Variants in DMD observed in about 807,000 individuals in gnomAD.
DMD encodes the protein dystrophin, also known as mutant dystrophin.
Under a neutral mutation model 330.1 loss-of-function variants are expected in DMD, and 63 were observed. The ratio of observed to expected loss-of-function variants is 0.19; its 90% CI spans 0.16 to 0.24. The LOEUF (loss-of-function observed/expected upper bound fraction) is 0.24. Among genes scored for constraint, DMD ranks in the 10% least tolerant of loss-of-function variants. The pLI is 1.00. For synonymous variants in DMD, 1,223 were observed against 959.8 expected, an observed-to-expected ratio of 1.27 and a Z score of -5.07; for missense variants, 3,344 against 2,684.1, an observed-to-expected ratio of 1.25 and a Z score of -5.43.
chrX:31,187,357 T>A (rs1343489119), intron 67 of DMD, among the ~76,000 whole-genome samples: 1 of 112,311 alleles, frequency 8.9e-6, no homozygotes, highest in Admixed American at 9.4e-5. Flanking sequence ...TCTTTTTACT[T>A]CTTCTTCATA....
chrX:31,881,932 T>C (rs1278237610), intron 47 of DMD, among the ~76,000 whole-genome samples: 3 of 112,373 alleles, frequency 2.7e-5, no homozygotes, highest in Non-Finnish European at 5.6e-5. Flanking sequence ...CCCTGGAAAC[T>C]ACAAACACTA....
At chrX:33,242,658 A>T (rs1437372365) in intron 1 of DMD, among the ~76,000 whole-genome samples, 1 of 111,962 alleles carries the variant, frequency 8.9e-6, no homozygotes, top group African/African-American at 3.3e-5. Context: ...TAGTTATTTA[A>T]GGAATCTCCA....
rs777578280 is a variant in DMD, at chrX:32,970,080, G to C, written c.93+50059C>G. Reference sequence around the variant, plus strand: ...GGTCCTCAACTCTTGCCTCCAAAATGCATTCATTCTTGAATAACTTTGATC... The same window carrying C: ...GGTCCTCAACTCTTGCCTCCAAAATCCATTCATTCTTGAATAACTTTGATC... On this transcript the variant is annotated intron_variant, in intron 2 of 78. Coordinates refer to ENST00000357033, the MANE Select transcript of DMD (RefSeq NM_004006.3). Among the ~76,000 whole-genome samples the C allele has an allele frequency of 1.2e-4, 11 of 94,698 alleles. 1 individual carries two copies. Among genetic ancestry groups the C allele is most frequent in the Non-Finnish European group, 2.2e-4 (11 of 49,510 alleles). 82.2% of individuals were successfully genotyped at this position (94,698 alleles called of 115,157 possible). A position where few individuals can be genotyped will look rare whatever the true frequency, so the allele number is the denominator to read the frequency against.
chrX:31,163,154 T>G (rs1410619469), intron 74 of DMD, among the ~76,000 whole-genome samples: 6 of 111,962 alleles, frequency 5.4e-5, no homozygotes, highest in Non-Finnish European at 1.1e-4. Flanking sequence ...TGGCTGGATC[T>G]CCACCCAAAT....
chrX:32,895,427 G>A (rs759697813), intron 2 of DMD, among the ~76,000 whole-genome samples: 60 of 112,221 alleles, frequency 5.3e-4, no homozygotes, highest in African/African-American at 1.9e-3. Flanking sequence ...AATATAAAAG[G>A]AGAGCTGTAG....
chrX:31,564,069 G>A (rs982629777), intron 55 of DMD, among the ~76,000 whole-genome samples: 1 of 111,045 alleles, frequency 9.0e-6, no homozygotes, highest in African/African-American at 3.3e-5. Flanking sequence ...GACATCTACA[G>A]GACAAGGAGC....
intron 1 of DMD, among the ~76,000 whole-genome samples, chrX:33,314,250 A>AT (rs1490458883): frequency 1.8e-5 from 2 of 110,220 alleles, no homozygotes; most frequent in African/African-American, 3.3e-5. Flanking sequence ...ATGTACATAT[A>AT]TTTTTTATCT....
chrX:31,375,198 T>A (rs2059825884), intron 60 of DMD, among the ~76,000 whole-genome samples: 1 of 112,257 alleles, frequency 8.9e-6, no homozygotes, highest in Non-Finnish European at 1.9e-5. Context: ...ATAAATGGGT[T>A]AAAGTCTTCA....
In DMD at chrX:31,988,477, A is replaced by G. The variant is rs2095526766; in HGVS notation, c.6439-19963T>C. On this transcript the variant is annotated intron_variant, in intron 44 of 78. Coordinates refer to ENST00000357033, the MANE Select transcript of DMD (RefSeq NM_004006.3). ...CAACAGAGTGAGACTCCATCTCAAA[A>G]AAAAAAAAAAAAAAAAAAAAAAAGG... Among the ~76,000 whole-genome samples the G allele has an allele frequency of 3.8e-5, 3 of 78,749 alleles. No homozygotes were observed. The South Asian group carries it at 1.9e-3, about 49-fold the overall frequency. The allele number at this position is 78,749 out of a possible 115,157, so 68.4% of individuals were successfully genotyped here. A position where few individuals can be genotyped will look rare whatever the true frequency, so the allele number is the denominator to read the frequency against.
chrX:31,341,891 G>GCGCGCGCGCGCACACA (rs374298104), intron 61 of DMD, among the ~76,000 whole-genome samples: 14 of 98,893 alleles, frequency 1.4e-4, no homozygotes, highest in Non-Finnish European at 1.8e-4. Flanking sequence ...GTGCGCGCGC[G>GCGCGCGCGCGCACACA]CACACACACA....
chrX:31,820,705 T>C (rs1003310896), intron 49 of DMD, among the ~76,000 whole-genome samples: 6 of 111,552 alleles, frequency 5.4e-5, no homozygotes, highest in Admixed American at 9.5e-5. Flanking sequence ...GGTGAAAGTA[T>C]AGAGGCCTAA....
chrX:31,436,802 T>G (rs2064561684), intron 60 of DMD, among the ~76,000 whole-genome samples: 1 of 112,045 alleles, frequency 8.9e-6, no homozygotes, highest in African/African-American at 3.2e-5. Context: ...GATTATTCTC[T>G]CCTTACTGAA....
At chrX:31,813,569 C>G (rs1213643891) in intron 50 of DMD, among the ~76,000 whole-genome samples, 1 of 112,298 alleles carries the variant, frequency 8.9e-6, no homozygotes, top group African/African-American at 3.2e-5. Context: ...GCCTCTCCAG[C>G]CATGTGGAAC....
Position 31,355,728 on chromosome X carries a change from C to T in DMD, c.9085-7094G>A, listed in dbSNP as rs147722272. On this transcript the variant is annotated intron_variant, in intron 60 of 78. Coordinates refer to ENST00000357033, the MANE Select transcript of DMD (RefSeq NM_004006.3). ...TCCTCACAAGTAACACTCATAAATA[C>T]GTGCCCAAACATTATCCGGGAAACG... Among the ~76,000 whole-genome samples the T allele has an allele frequency of 1.5e-3, 163 of 111,280 alleles. 1 individual carries two copies. The highest frequency in any genetic ancestry group is 5.0e-3 in the African/African-American group (154 of 30,643).
intron 35 of DMD, 76 bp downstream of exon 35, chrX:32,364,944 G>A (rs1312661372): frequency 3.6e-6 from 4 of 1,105,374 alleles, no homozygotes; most frequent in African/African-American, 1.8e-5. Flanking sequence ...TTCAAACACA[G>A]AATTGTTACT....
intron 29 of DMD, among the ~76,000 whole-genome samples, chrX:32,415,228 T>C (rs1164221347): frequency 8.9e-6 from 1 of 112,199 alleles, no homozygotes; most frequent in Non-Finnish European, 1.9e-5. Context: ...ATATCTAGCC[T>C]CAAAATTCTT....
intron 50 of DMD, among the ~76,000 whole-genome samples, chrX:31,805,479 T>G (rs1369395804): frequency 8.9e-6 from 1 of 112,251 alleles, no homozygotes; most frequent in Non-Finnish European, 1.9e-5. Context: ...TACTTCAATA[T>G]CTAAATATAT....
At chrX:33,068,720 G>T (rs1407650643) in intron 1 of DMD, among the ~76,000 whole-genome samples, 1 of 112,282 alleles carries the variant, frequency 8.9e-6, no homozygotes, top group Non-Finnish European at 1.9e-5. Flanking sequence ...CAACCTGTAG[G>T]TTAAAAATCT....
chrX:32,027,232 G>A (rs368494511), intron 44 of DMD, among the ~76,000 whole-genome samples: 1 of 109,515 alleles, frequency 9.1e-6, no homozygotes, highest in Non-Finnish European at 1.9e-5. Context: ...GGGAGAGAGA[G>A]AGAGAGAGAC....
Sources: gnomAD v4.1 joint callset for allele counts (sites outside exome capture counted in the v4.1 genomes callset) on GRCh38, gnomAD v4.1.1 for gene constraint, MANE v1.5 for transcripts, NCBI Gene and HGNC (gene_info 2026-07-23, HGNC 2026-07-21) for gene names.